The following SGSM3 variants were observed in gnomAD, a reference collection of about 807,000 sequenced individuals.
The protein encoded by SGSM3 is RUN and SH3 containing 3.
SGSM3 carries 96 observed loss-of-function variants against 100.5 expected under a neutral mutation model. That is an observed-to-expected ratio of 0.96 (90% confidence interval 0.81 to 1.13). The LOEUF is 1.13. Ranked by LOEUF, SGSM3 falls within the 50% of genes most tolerant of loss-of-function variation. The pLI is 0.00. For missense variants in SGSM3, 1,001 were observed against 1,015.8 expected (o/e 0.99, Z 0.20); for synonymous variants, 483 against 422.8 (o/e 1.14, Z -1.75).
rs1569204867 is a variant in SGSM3, at chr22:40,404,624, T to G, written c.434T>G (p.Val145Gly). The G allele has an allele frequency of 6.2e-7, 1 of 1,613,538 alleles. No individual in the cohort carries two copies. The highest frequency in any genetic ancestry group is 1.7e-5 in the Admixed American group (1 of 59,988). Residue 145 changes from valine (V) to glycine (G), a missense_variant, in exon 6 of 22, where the codon GTG becomes GGG. Transcript: ENST00000248929. ...RNSELSYREI[V>G]KNSSNDETIA... Reference sequence around the variant, plus strand: ...TCTGAGCTGTCCTACCGCGAGATTGTGAAGAACAGCTCCAACGATGAGACC... The same window carrying G: ...TCTGAGCTGTCCTACCGCGAGATTGGGAAGAACAGCTCCAACGATGAGACC...
At chr22:40,395,479 G>A (rs978617842) in intron 1 of SGSM3, among the ~76,000 whole-genome samples, 2 of 151,988 alleles carry the variant, frequency 1.3e-5, no homozygotes, top group Non-Finnish European at 2.9e-5. Context: ...CTGCCACCAC[G>A]CCCAGCTAAT....
intron 2 of SGSM3, 67 bp from the exon 3 acceptor site, chr22:40,401,526 G>C: frequency 2.3e-6 from 3 of 1,285,910 alleles, no homozygotes; most frequent in South Asian, 2.4e-5. Flanking sequence ...GATTACAGGC[G>C]TGAGCCACTG....
intron 1 of SGSM3, among the ~76,000 whole-genome samples, chr22:40,398,826 G>A (rs973279584): frequency 1.4e-5 from 2 of 140,702 alleles, no homozygotes; most frequent in African/African-American, 5.2e-5. Flanking sequence ...ATCAGCTCAC[G>A]TAATCCTCAT....
rs551660513 is a variant in SGSM3, at chr22:40,371,705, A to AT, written c.-112+1027dup. On this transcript the variant is annotated intron_variant, in intron 1 of 21. Coordinates refer to ENST00000248929, the MANE Select transcript of SGSM3 (RefSeq NM_015705.6). The stretch of plus-strand genomic sequence containing the variant: ...TAATTCTTCTTTTCTTTTCTTTTCT[A>AT]TTTTTTTTTTAAGACGGGAGTTTCG... 3.2e-3 allele frequency among the ~76,000 whole-genome samples: 466 copies of AT among 144,826 alleles called. 3 individuals are homozygous for AT. Among genetic ancestry groups the AT allele is most frequent in the African/African-American group, 9.4e-3 (369 of 39,380 alleles).
Position 40,406,142 on chromosome 22 carries a change from G to C in SGSM3, c.879G>C (p.Leu293=), listed in dbSNP as rs917899331. Residue 293 remains leucine, a synonymous_variant, in exon 9 of 22, where the codon CTG becomes CTC. Coordinates refer to ENST00000248929, the MANE Select transcript of SGSM3 (RefSeq NM_015705.6). ...TAFASVVDIK[L]LLRIWDLFFY... ...TCGCCAGCGTGGTGGACATCAAGCT[G>C]CTCCTGCGCATCTGGGACCTGTTTT... The C allele has an allele frequency of 1.9e-6, 3 of 1,614,044 alleles. No homozygotes were observed. The highest frequency in any genetic ancestry group is 2.5e-6 in the Non-Finnish European group (3 of 1,180,050).
chr22:40,379,116 C>A (rs1320165651), intron 1 of SGSM3, among the ~76,000 whole-genome samples: 3 of 152,200 alleles, frequency 2.0e-5, no homozygotes, highest in African/African-American at 7.2e-5. Context: ...ACAGTGTGGT[C>A]TCTTATTAAT....
intron 1 of SGSM3, among the ~76,000 whole-genome samples, chr22:40,384,193 A>G (rs575885926): frequency 2.9e-4 from 44 of 152,106 alleles, no homozygotes; most frequent in Non-Finnish European, 5.7e-4. Flanking sequence ...GCAGTGAGTC[A>G]TGATCCCACC....
In SGSM3 at chr22:40,407,075, A is replaced by G. The variant is rs949090319; in HGVS notation, c.1240+4A>G. 1.9e-6 allele frequency: 3 copies of G among 1,597,402 alleles called. No individual in the cohort carries two copies. The African/African-American group carries it at 4.0e-5, about 21-fold the overall frequency. On this transcript the variant is annotated splice_donor_region_variant and intron_variant, in intron 11 of 21. Coordinates refer to ENST00000248929, the MANE Select transcript of SGSM3 (RefSeq NM_015705.6). The surrounding 1 kb of genome is among the most constrained non-coding windows in gnomAD (Gnocchi z 4.7). ...ACCATCACTGCTCTGCTCTTCGGTG[A>G]GAGCTCTGCGAGTGCCAGGCAGTGT...
intron 1 of SGSM3, among the ~76,000 whole-genome samples, chr22:40,397,932 T>C (rs899694196): frequency 4.6e-5 from 7 of 151,746 alleles, no homozygotes; most frequent in African/African-American, 1.7e-4. Context: ...ATTGTAGTTA[T>C]CACAATCTAT....
intron 1 of SGSM3, among the ~76,000 whole-genome samples, chr22:40,391,533 C>A (rs1009361040): frequency 3.3e-5 from 5 of 152,150 alleles, no homozygotes; most frequent in Admixed American, 6.6e-5. Context: ...ATTGCTTGAG[C>A]CTGGGAGTTC....
intron 1 of SGSM3, among the ~76,000 whole-genome samples, chr22:40,375,853 C>G (rs1285151014): frequency 6.6e-6 from 1 of 152,020 alleles, no homozygotes; most frequent in Non-Finnish European, 1.5e-5. Context: ...GCCTGGGCAA[C>G]ATGGTGAGAC....
intron 7 of SGSM3, among the ~76,000 whole-genome samples, 154 bp downstream of exon 7, chr22:40,405,438 A>G (rs1451671992): frequency 2.0e-5 from 3 of 152,092 alleles, no homozygotes; most frequent in African/African-American, 7.2e-5. Flanking sequence ...CCCCAAGGAG[A>G]TCGGGGCAGC....
Position 40,398,510 on chromosome 22 carries a change from C to A in SGSM3, c.-111-2186C>A, listed in dbSNP as rs915091337. Among the ~76,000 whole-genome samples the A allele has an allele frequency of 1.3e-4, 18 of 141,336 alleles. 3 individuals are homozygous for A. In the Admixed American group the frequency reaches 1.3e-3, roughly 10 times the overall value. 92.7% of individuals were successfully genotyped at this position (141,336 alleles called of 152,430 possible). On this transcript the variant is annotated intron_variant, in intron 1 of 21. Transcript: ENST00000248929. ...CAAGCAGCCTGCAGGTGCTCTGTCA[C>A]ACTTTTACTCTGCCCTTTCAGAACC... is the stretch of plus-strand genomic sequence containing the variant.
intron 1 of SGSM3, among the ~76,000 whole-genome samples, chr22:40,374,059 TCTC>T (rs1283011725): frequency 3.3e-5 from 5 of 152,244 alleles, no homozygotes; most frequent in Admixed American, 6.5e-5. Flanking sequence ...TTTACGCCAT[TCTC>T]CTGCCTCAGC....
chr22:40,384,576 C>A (rs939262541), intron 1 of SGSM3, among the ~76,000 whole-genome samples: 1 of 152,116 alleles, frequency 6.6e-6, no homozygotes, highest in Admixed American at 6.5e-5. Flanking sequence ...GTCAGGAGAT[C>A]GAGACCATCC....
At chr22:40,405,054 T>A (rs1428077719) in intron 6 of SGSM3, 87 bp from the exon 7 acceptor site, 75 of 1,429,090 alleles carry the variant, frequency 5.2e-5, no homozygotes, top group Non-Finnish European at 6.5e-5. Context: ...AATCCCCATT[T>A]CTGGGGGAGA....
chr22:40,381,454 G>A (rs1196299937), intron 1 of SGSM3, among the ~76,000 whole-genome samples: 1 of 152,086 alleles, frequency 6.6e-6, no homozygotes, highest in African/African-American at 2.4e-5. Context: ...CGGCTACAAG[G>A]CATTTTAACG....
Position 40,407,710 on chromosome 22 carries a change from G to A in SGSM3, c.1525-79G>A. ...GGGGTCTTGGCCTGGCCTAGTTGCT[G>A]AGGAGTCATATCGGGGGTGCAGGAG... On this transcript the variant is annotated intron_variant, in intron 13 of 21. Coordinates refer to ENST00000248929, the MANE Select transcript of SGSM3 (RefSeq NM_015705.6). The surrounding 1 kb of genome is among the most constrained non-coding windows in gnomAD (Gnocchi z 4.7). 6.3e-7 allele frequency: 1 copy of A among 1,589,286 alleles called. No individual in the cohort carries two copies. The highest frequency in any genetic ancestry group is 1.1e-5 in the South Asian group (1 of 90,550).
intron 1 of SGSM3, among the ~76,000 whole-genome samples, chr22:40,380,003 G>A (rs1358427025): frequency 6.6e-6 from 1 of 152,102 alleles, no homozygotes; most frequent in Non-Finnish European, 1.5e-5. Context: ...GAGCCATCGT[G>A]CTCGGCCTGG....
Sources: allele counts gnomAD v4.1 joint callset (sites outside exome capture counted in the v4.1 genomes callset), GRCh38; gene constraint gnomAD v4.1.1; non-coding constraint Gnocchi (gnomAD v3.1); transcripts MANE v1.5; gene names NCBI Gene and HGNC (gene_info 2026-07-23, HGNC 2026-07-21).